The following MEF2C variants were observed in gnomAD, a reference collection of about 807,000 sequenced individuals.
The protein encoded by MEF2C is myocyte enhancer factor 2C.
Under a neutral mutation model 50.5 loss-of-function variants are expected in MEF2C, and 6 were observed. The observed-to-expected ratio is 0.12, with a 90% CI of 0.07 to 0.23. The LOEUF is 0.23. Ranked by LOEUF, MEF2C falls within the 10% of genes least tolerant of loss-of-function variation. The probability of loss-of-function intolerance (pLI) is 1.00; values close to 1 mark genes in which losing one functional copy is unlikely to be tolerated. For synonymous variants in MEF2C, 183 were observed against 228.0 expected (o/e 0.80, Z 1.78); for missense variants, 276 against 605.0 (o/e 0.46, Z 5.70).
intron 4 of MEF2C, chr5:88,760,886 T>C (rs1777545061): frequency 7.6e-7 from 1 of 1,320,578 alleles, no homozygotes; most frequent in Non-Finnish European, 1.0e-6. Context: ...TATTTATCTG[T>C]TTGACTTTCC....
At chr5:88,817,416 C>T (rs2153184829) in intron 2 of MEF2C, among the ~76,000 whole-genome samples, 1 of 152,070 alleles carries the variant, frequency 6.6e-6, no homozygotes, top group Non-Finnish European at 1.5e-5. Flanking sequence ...CTACACTGAA[C>T]ACATTTTTCC....
intron 2 of MEF2C, among the ~76,000 whole-genome samples, chr5:88,813,365 T>C (rs1044645808): frequency 1.3e-5 from 2 of 152,062 alleles, no homozygotes; most frequent in Non-Finnish European, 2.9e-5. Context: ...CCTGTATCAT[T>C]TCCTACAGGG....
chr5:88,809,730 C>T (rs192503763), intron 2 of MEF2C, among the ~76,000 whole-genome samples: 83 of 151,954 alleles, frequency 5.5e-4, no homozygotes, highest in African/African-American at 1.8e-3. Context: ...AAGATGAGTA[C>T]GAAATGAAAT....
chr5:88,723,720 G>C (rs192081754), intron 10 of MEF2C, among the ~76,000 whole-genome samples: 1 of 152,188 alleles, frequency 6.6e-6, no homozygotes, highest in Non-Finnish European at 1.5e-5. Flanking sequence ...TCCCTGATGC[G>C]TGCGGTTCTT....
intron 6 of MEF2C, chr5:88,734,593 T>TAGAA: frequency 1.2e-6 from 1 of 853,874 alleles, no homozygotes; most frequent in Non-Finnish European, 1.4e-6. Flanking sequence ...TTTTTTTTTT[T>TAGAA]TTTTTAGCAT....
chr5:88,813,205 A>G (rs1451177179), intron 2 of MEF2C, among the ~76,000 whole-genome samples: 5 of 151,980 alleles, frequency 3.3e-5, no homozygotes, highest in Non-Finnish European at 7.4e-5. Flanking sequence ...AACTAGTTCT[A>G]TATTTATGGA....
At chr5:88,808,098 C>T (rs1314668278) in intron 2 of MEF2C, among the ~76,000 whole-genome samples, 2 of 150,828 alleles carry the variant, frequency 1.3e-5, no homozygotes, top group Non-Finnish European at 2.9e-5. Flanking sequence ...TAAGGATGGG[C>T]TGAAAACCAT....
At chr5:88,853,826 G>C (rs1040040504) in intron 1 of MEF2C, among the ~76,000 whole-genome samples, 26 of 152,192 alleles carry the variant, frequency 1.7e-4, no homozygotes, top group African/African-American at 6.0e-4. Context: ...CAATTTACAT[G>C]AATGCTTTGG....
chr5:88,770,440 T>C (rs577085702), intron 3 of MEF2C, among the ~76,000 whole-genome samples: 1 of 152,218 alleles, frequency 6.6e-6, no homozygotes, highest in Non-Finnish European at 1.5e-5. Context: ...GAAATGCGAG[T>C]AGCTTATATC....
intron 1 of MEF2C, among the ~76,000 whole-genome samples, chr5:88,833,980 A>C (rs1011244108): frequency 6.6e-6 from 1 of 152,154 alleles, no homozygotes; most frequent in Non-Finnish European, 1.5e-5. Flanking sequence ...AATGGCCTTC[A>C]GGATGCACTT....
intron 6 of MEF2C, among the ~76,000 whole-genome samples, chr5:88,748,545 G>A (rs555412537): frequency 4.1e-4 from 62 of 152,238 alleles, no homozygotes; most frequent in Non-Finnish European, 4.3e-4. Context: ...ATATTTTAGG[G>A]TCTTTTGGGG....
Position 88,719,323 on chromosome 5 carries a change from T to A in MEF2C, c.*3281A>T, listed in dbSNP as rs1433241960. The stretch of plus-strand genomic sequence containing the variant: ...TTTGGGAAAAAATAAGCCATTTTAC[T>A]AAAAAACACAATTTTTAAAAAGGTT... On this transcript the variant is annotated 3_prime_UTR_variant, in exon 11 of 11. Transcript: ENST00000504921. 1 of 152,168 alleles carries A rather than the reference T, an allele frequency of 6.6e-6. No homozygotes were observed. Among genetic ancestry groups the A allele is most frequent in the Non-Finnish European group, 1.5e-5 (1 of 68,012 alleles). The allele number at this position is 152,168 out of a possible 1,614,324, so 9.4% of individuals were successfully genotyped here. A position where few individuals can be genotyped will look rare whatever the true frequency, so the allele number is the denominator to read the frequency against.
At chr5:88,863,468 C>T (rs16903386) in intron 1 of MEF2C, among the ~76,000 whole-genome samples, 1,672 of 152,352 alleles carry the variant, frequency 0.011, 36 homozygotes, top group African/African-American at 0.038. Flanking sequence ...GTTTCTGAAA[C>T]TGTAAGAATG....
intron 1 of MEF2C, among the ~76,000 whole-genome samples, chr5:88,890,118 G>A (rs1834382058): frequency 6.6e-6 from 1 of 152,164 alleles, no homozygotes; most frequent in South Asian, 2.1e-4. Context: ...CAGCATCTAA[G>A]GAATTATATT....
At chr5:88,847,542 C>T (rs939243521) in intron 1 of MEF2C, among the ~76,000 whole-genome samples, 1 of 152,102 alleles carries the variant, frequency 6.6e-6, no homozygotes, top group Non-Finnish European at 1.5e-5. Context: ...AGAAAGAAGA[C>T]ATGAAGAAGC....
chr5:88,794,902 C>A (rs532166461), intron 3 of MEF2C, among the ~76,000 whole-genome samples: 17 of 152,080 alleles, frequency 1.1e-4, no homozygotes, highest in Non-Finnish European at 2.1e-4. Context: ...AATAGAGAAT[C>A]GTTTCTCCAT....
intron 3 of MEF2C, among the ~76,000 whole-genome samples, chr5:88,778,712 G>A (rs13166883): frequency 0.58 from 88,473 of 152,074 alleles, 27,536 homozygotes; most frequent in Non-Finnish European, 0.71. Context: ...GAAAAATAAA[G>A]TAAATGACTT....
At chr5:88,737,253 C>G (rs1764508133) in intron 6 of MEF2C, 2 of 985,216 alleles carry the variant, frequency 2.0e-6, no homozygotes, top group Non-Finnish European at 2.4e-6. Flanking sequence ...AAATTGATGA[C>G]CAAGTACACT....
chr5:88,748,986 T>C, intron 6 of MEF2C, 84 bp downstream of exon 6: 1 of 1,547,768 alleles, frequency 6.5e-7, no homozygotes, highest in South Asian at 1.2e-5. Flanking sequence ...TAACTTTATT[T>C]GTTCAAAAGA....
Sources: gnomAD v4.1 joint callset for allele counts (sites outside exome capture counted in the v4.1 genomes callset) on GRCh38, gnomAD v4.1.1 for gene constraint, MANE v1.5 for transcripts, NCBI Gene and HGNC (gene_info 2026-07-23, HGNC 2026-07-21) for gene names.